The following PARP10 variants were observed in gnomAD, a reference collection of about 807,000 sequenced individuals.
PARP10 encodes protein mono-ADP-ribosyltransferase PARP10.
PARP10 carries 56 observed loss-of-function variants against 82.4 expected under a neutral mutation model. The observed-to-expected ratio is 0.68, with a 90% CI of 0.55 to 0.85. The LOEUF is 0.85. PARP10 is among the 40% of genes least tolerant of loss of function. The pLI is 0.00. For synonymous variants in PARP10, 576 were observed against 601.1 expected, an observed-to-expected ratio of 0.96 and a Z score of 0.61; for missense variants, 1,227 against 1,379.4, an observed-to-expected ratio of 0.89 and a Z score of 1.75.
Position 143,984,928 on chromosome 8 carries a change from T to A in PARP10, c.1074A>T (p.Glu358Asp), listed in dbSNP as rs1554748846. 2 of 1,613,944 alleles carry A rather than the reference T, an allele frequency of 1.2e-6. No individual in the cohort carries two copies. The highest frequency in any genetic ancestry group is 2.2e-5 in the South Asian group (2 of 91,074). Residue 358 changes from glutamate (E) to aspartate (D), a missense_variant, in exon 5 of 11, where the codon GAA becomes GAT. Coordinates refer to ENST00000313028, the MANE Select transcript of PARP10 (RefSeq NM_032789.5). ...GCCTCAGGCTTACCAGCCCCTCATG[T>A]TCCAGAGACCCCATGGGCATCGAGC... The part of the protein sequence containing the change: ...QVSSMPMGSL[E>D]HEGLVSLRPV...
intron 1 of PARP10, among the ~76,000 whole-genome samples, chr8:144,000,146 C>A (rs1834191784): frequency 6.6e-6 from 1 of 152,160 alleles, no homozygotes; most frequent in East Asian, 1.9e-4. Flanking sequence ...GTGCCCCCAC[C>A]AAATTCATAT....
At chr8:143,986,474 G>T, upstream of PARP10, 1 of 1,560,532 alleles carries the variant, frequency 6.4e-7, no homozygotes, top group Non-Finnish European at 8.8e-7. Context: ...ACTGAAAGAC[G>T]GAAGGAGGGA....
At chr8:143,994,971 G>A (rs185151580), upstream of PARP10, among the ~76,000 whole-genome samples, 18 of 152,236 alleles carry the variant, frequency 1.2e-4, no homozygotes, top group Non-Finnish European at 1.2e-4. Context: ...GGGTGGTCTC[G>A]GGAGTAACTG....
Position 143,984,043 on chromosome 8 carries a change from T to C in PARP10, c.1742A>G (p.Asp581Gly). 6.5e-7 allele frequency: 1 copy of C among 1,537,934 alleles called. No individual in the cohort carries two copies. The highest frequency in any genetic ancestry group is 1.3e-5 in the South Asian group (1 of 78,390). The stretch of plus-strand genomic sequence containing the variant: ...GTCCTCCTGGTCACCACCTGTACTG[T>C]CTGGGGTCCACAGGGTGTGGGCGTT... ...PGNAHTLWTPDSTGGDQEDVS... is the reference protein window; with the variant it reads ...PGNAHTLWTPGSTGGDQEDVS... The change falls in exon 7 of 11, where the codon GAC (aspartate) becomes GGC (glycine). Residue 581 changes from aspartate to glycine, a missense_variant. Transcript: ENST00000313028.
chr8:143,998,721 A>C (rs1488086434), intron 1 of PARP10, among the ~76,000 whole-genome samples: 1 of 152,182 alleles, frequency 6.6e-6, no homozygotes, highest in African/African-American at 2.4e-5. Flanking sequence ...AAGCAAAGGC[A>C]GGCGGATCAC....
At chr8:143,997,974 G>T (rs961200920) in intron 1 of PARP10, among the ~76,000 whole-genome samples, 1 of 151,650 alleles carries the variant, frequency 6.6e-6, no homozygotes, top group East Asian at 1.9e-4. Context: ...TTTTATTTTT[G>T]TAGAAACAGG....
upstream of PARP10, chr8:143,992,479 C>T (rs1834116674): frequency 6.2e-7 from 1 of 1,614,168 alleles, no homozygotes; most frequent in Non-Finnish European, 8.5e-7. Flanking sequence ...GCTACGACTT[C>T]ACCTCATGCA....
At chr8:143,991,311 C>A, upstream of PARP10, 1 of 1,395,550 alleles carries the variant, frequency 7.2e-7, no homozygotes, top group Non-Finnish European at 9.8e-7. Flanking sequence ...GCCACCCATG[C>A]CCCCCTATGC....
chr8:143,986,855 C>G (rs1385607391), upstream of PARP10: 2 of 179,190 alleles, frequency 1.1e-5, no homozygotes, highest in African/African-American at 4.8e-5. Context: ...CCGCCCCCGG[C>G]CAAGGCTGGC....
At chr8:143,990,301 G>A (rs1236712225), upstream of PARP10, 3 of 150,086 alleles carry the variant, frequency 2.0e-5, no homozygotes, top group Admixed American at 6.6e-5. The surrounding 1 kb of genome is among the most constrained non-coding windows in gnomAD (Gnocchi z 5.6). Context: ...ATCCGAGCGT[G>A]GCCGCCTCGG....
Position 143,983,992 on chromosome 8 carries a change from T to G in PARP10, c.1777+16A>C. On this transcript the variant is annotated intron_variant, in intron 7 of 10. Coordinates refer to ENST00000313028, the MANE Select transcript of PARP10 (RefSeq NM_032789.5). Reference sequence around the variant, plus strand: ...GAGGGCCACAGGATGTGCTGAGGGCTCCCAGGGAGCCCTACCCAGGCTCAC... The same window carrying G: ...GAGGGCCACAGGATGTGCTGAGGGCGCCCAGGGAGCCCTACCCAGGCTCAC... The G allele has an allele frequency of 6.6e-7, 1 of 1,508,074 alleles. No homozygotes were observed. Among genetic ancestry groups the G allele is most frequent in the Non-Finnish European group, 8.9e-7 (1 of 1,127,496 alleles). 93.4% of individuals were successfully genotyped at this position (1,508,074 alleles called of 1,614,324 possible).
chr8:144,001,991 A>ATAC (rs1198045199), intron 1 of PARP10, among the ~76,000 whole-genome samples: 1 of 151,996 alleles, frequency 6.6e-6, no homozygotes, highest in African/African-American at 2.4e-5. Flanking sequence ...AGATACTGAA[A>ATAC]TACTCATAAA....
At chr8:143,979,996 A>G in intron 9 of PARP10, among the ~76,000 whole-genome samples, 2 of 119,282 alleles carry the variant, frequency 1.7e-5, no homozygotes, top group Non-Finnish European at 3.3e-5. Context: ...TGAGTGACAG[A>G]GCGAGACTCC....
chr8:144,005,948 T>C (rs1587476486), intron 1 of PARP10, among the ~76,000 whole-genome samples: 1 of 152,140 alleles, frequency 6.6e-6, no homozygotes, highest in Non-Finnish European at 1.5e-5. Context: ...TCCTCCAGAA[T>C]GTCAGCTCCA....
upstream of PARP10, among the ~76,000 whole-genome samples, chr8:143,994,924 G>A (rs1435865276): frequency 1.3e-5 from 2 of 151,250 alleles, no homozygotes; most frequent in Non-Finnish European, 2.9e-5. Flanking sequence ...AGAATAAAGT[G>A]TTTATGTGGC....
In PARP10 at chr8:143,983,651, TGCCACAGTGCTGGGG is replaced by T; in HGVS notation, c.1923_1937del (p.Ser643_Pro647del). The stretch of plus-strand genomic sequence containing the variant: ...CGGCCTCCTCCTCCAGCCACCTGGG[TGCCACAGTGCTGGGG>T]GCCACAGGCTCCTCCTCCTCATGCC... On this transcript the variant is annotated inframe_deletion, in exon 8 of 11. Transcript: ENST00000313028. 1 of 1,608,022 alleles carries T rather than the reference TGCCACAGTGCTGGGG, an allele frequency of 6.2e-7. No homozygotes were observed. The highest frequency in any genetic ancestry group is 8.5e-7 in the Non-Finnish European group (1 of 1,177,240).
chr8:143,977,793 G>T lies in PARP10; in HGVS notation c.2769C>A (p.Arg923=). 1 of 1,601,670 alleles carries T rather than the reference G, an allele frequency of 6.2e-7. No individual in the cohort carries two copies. Among genetic ancestry groups the T allele is most frequent in the Non-Finnish European group, 8.5e-7 (1 of 1,174,554 alleles). Residue 923 remains arginine (R), a synonymous_variant, in exon 11 of 11, where the codon CGC becomes CGA. Coordinates refer to ENST00000313028, the MANE Select transcript of PARP10 (RefSeq NM_032789.5). ...VYGKGVYFAR[R]ASLSVQDRYS... ...AGCGGTCCTGCACCGACAGGGAGGCGCGCCTGGCGAAATACACGCCCTTCC... is the reference window on the plus strand; with the variant it reads ...AGCGGTCCTGCACCGACAGGGAGGCTCGCCTGGCGAAATACACGCCCTTCC...
intron 9 of PARP10, among the ~76,000 whole-genome samples, chr8:143,982,056 G>A (rs1833875787): frequency 8.0e-6 from 1 of 124,568 alleles, no homozygotes; most frequent in Non-Finnish European, 1.8e-5. Flanking sequence ...GTGTGATGGT[G>A]GTGATGATGG....
At chr8:144,000,324 A>G (rs190645159) in intron 1 of PARP10, among the ~76,000 whole-genome samples, 96 of 152,292 alleles carry the variant, frequency 6.3e-4, no homozygotes, top group Middle Eastern at 6.8e-3. Context: ...ACACACACAC[A>G]GGGAAAATGC....
Sources: allele counts gnomAD v4.1 joint callset (sites outside exome capture counted in the v4.1 genomes callset), GRCh38; gene constraint gnomAD v4.1.1; non-coding constraint Gnocchi (gnomAD v3.1); transcripts MANE v1.5; gene names NCBI Gene and HGNC (gene_info 2026-07-23, HGNC 2026-07-21).